ITGBL1: variants seen among roughly 807,000 people sequenced by gnomAD.
ITGBL1 encodes the protein integrin subunit beta like 1, also known as integrin beta-like protein 1.
Under a neutral mutation model 68.5 loss-of-function variants are expected in ITGBL1, and 51 were observed. That is an observed-to-expected ratio of 0.74 (90% CI 0.59 to 0.94). ITGBL1 has a LOEUF of 0.94. Ranked by LOEUF, ITGBL1 falls within the 40% of genes least tolerant of loss-of-function variation. The pLI is 0.00. For synonymous variants in ITGBL1, 209 were observed against 227.3 expected (o/e 0.92, Z 0.72); for missense variants, 649 against 647.4 (o/e 1.00, Z -0.03).
At chr13:101,605,800 T>A (rs899182062) in intron 7 of ITGBL1, among the ~76,000 whole-genome samples, 4 of 105,220 alleles carry the variant, frequency 3.8e-5, no homozygotes, top group Admixed American at 1.9e-4. Flanking sequence ...GTATATGTAC[T>A]CGTGTGTAGA....
chr13:101,642,070 A>G (rs1594948979), intron 7 of ITGBL1, among the ~76,000 whole-genome samples: 1 of 152,002 alleles, frequency 6.6e-6, no homozygotes, highest in East Asian at 1.9e-4. Context: ...TCCTTTGGGT[A>G]TATACCCAGT....
chr13:101,670,160 A>G (rs895188910), intron 7 of ITGBL1, among the ~76,000 whole-genome samples: 36 of 152,140 alleles, frequency 2.4e-4, no homozygotes, highest in Non-Finnish European at 4.1e-4. Context: ...GCAATTTTGC[A>G]TGCTTTTACT....
chr13:101,504,671 A>AT (rs2048999136), intron 2 of ITGBL1, among the ~76,000 whole-genome samples: 1 of 152,206 alleles, frequency 6.6e-6, no homozygotes, highest in African/African-American at 2.4e-5. Context: ...GAAACGTTGC[A>AT]TGAGTGTCTC....
chr13:101,567,114 G>A (rs1466830892), intron 2 of ITGBL1, among the ~76,000 whole-genome samples: 2 of 152,110 alleles, frequency 1.3e-5, no homozygotes, highest in Admixed American at 6.6e-5. Flanking sequence ...AAAGCAAAAT[G>A]ACTATTGAGA....
chr13:101,606,110 C>CCA lies in ITGBL1; in HGVS notation c.1015+7811_1015+7812insCA, dbSNP rs2030835033. On this transcript the variant is annotated intron_variant, in intron 7 of 10. Transcript: ENST00000376180. ...ATATATATATATATGCTCTCTCTCT[C>CCA]TCTATATATATATATAGCCTTCACG... Among the ~76,000 whole-genome samples, 6 of 138,276 alleles carry CCA rather than the reference C, an allele frequency of 4.3e-5. No homozygotes were observed. The East Asian group carries it at 1.4e-3, about 32-fold the overall frequency. The allele number at this position is 138,276 out of a possible 152,430, so 90.7% of individuals were successfully genotyped here. A position where few individuals can be genotyped will look rare whatever the true frequency, so the allele number is the denominator to read the frequency against.
intron 7 of ITGBL1, among the ~76,000 whole-genome samples, chr13:101,677,501 G>C (rs2033533832): frequency 6.6e-6 from 1 of 152,046 alleles, no homozygotes; most frequent in African/African-American, 2.4e-5. Context: ...TTGGAAATAG[G>C]GAGGATCATT....
chr13:101,541,598 T>C (rs1326995095), intron 2 of ITGBL1, among the ~76,000 whole-genome samples: 1 of 152,196 alleles, frequency 6.6e-6, no homozygotes, highest in Admixed American at 6.5e-5. Context: ...TCCCTCTTTT[T>C]CTGTTGATTG....
At chr13:101,710,714 C>A (rs138235391) in intron 9 of ITGBL1, 1 of 152,114 alleles carries the variant, frequency 6.6e-6, no homozygotes, top group Non-Finnish European at 1.5e-5. Flanking sequence ...GGCATGAGAT[C>A]GCCATGGCAC....
intron 6 of ITGBL1, among the ~76,000 whole-genome samples, chr13:101,595,936 A>G (rs2029933361): frequency 1.3e-5 from 2 of 152,190 alleles, no homozygotes; most frequent in Admixed American, 6.6e-5. Context: ...TGAAAACAAC[A>G]CAAGTGTCTG....
At chr13:101,545,918 G>A (rs934403989) in intron 2 of ITGBL1, among the ~76,000 whole-genome samples, 1 of 152,110 alleles carries the variant, frequency 6.6e-6, no homozygotes. Flanking sequence ...AACTACTGAA[G>A]GCAATCCCCA....
intron 8 of ITGBL1, among the ~76,000 whole-genome samples, chr13:101,695,440 C>G (rs958043515): frequency 1.3e-5 from 2 of 152,104 alleles, no homozygotes; most frequent in African/African-American, 4.8e-5. Flanking sequence ...ATGTTAATAA[C>G]TTGAGGCTTT....
At chr13:101,517,523 T>C (rs1485508641) in intron 2 of ITGBL1, among the ~76,000 whole-genome samples, 2 of 152,184 alleles carry the variant, frequency 1.3e-5, no homozygotes, top group Admixed American at 1.3e-4. Context: ...AAGCTCTCTC[T>C]CATGACTGTG....
intron 7 of ITGBL1, among the ~76,000 whole-genome samples, chr13:101,650,696 CAT>C (rs1395695553): frequency 6.7e-6 from 1 of 149,858 alleles, no homozygotes; most frequent in African/African-American, 2.5e-5. Flanking sequence ...CATAGGTAAA[CAT>C]GTGCCATGGT....
intron 7 of ITGBL1, among the ~76,000 whole-genome samples, chr13:101,636,404 A>C (rs1230888923): frequency 6.6e-6 from 1 of 152,180 alleles, no homozygotes; most frequent in Admixed American, 6.5e-5. Context: ...AACAAATCAG[A>C]AACTTATGAC....
Position 101,638,317 on chromosome 13 carries a change from GAAGGTCA to G in ITGBL1, c.1015+40023_1015+40029del, listed in dbSNP as rs145870579. ...CTGGTGCCCATAAGGGACAGCACTT[GAAGGTCA>G]AAGGAAAGAGCATACCCTTCCACCT... On this transcript the variant is annotated intron_variant, in intron 7 of 10. Transcript: ENST00000376180. Among the ~76,000 whole-genome samples the G allele has an allele frequency of 6.0e-3, 918 of 152,250 alleles. 12 individuals are homozygous for G. Among genetic ancestry groups the G allele is most frequent in the African/African-American group, 0.021 (863 of 41,532 alleles).
At chr13:101,531,258 G>A (rs750088554) in intron 2 of ITGBL1, among the ~76,000 whole-genome samples, 2 of 152,144 alleles carry the variant, frequency 1.3e-5, no homozygotes, top group Non-Finnish European at 2.9e-5. Context: ...GTAAACAATT[G>A]TTTACATGAT....
At chr13:101,580,726 T>C (rs527493005) in intron 5 of ITGBL1, among the ~76,000 whole-genome samples, 8 of 152,098 alleles carry the variant, frequency 5.3e-5, no homozygotes, top group East Asian at 3.9e-4. Context: ...TCTGGTACTG[T>C]GGAAAATGAC....
chr13:101,467,213 T>C (rs1228353030), intron 2 of ITGBL1, among the ~76,000 whole-genome samples: 1 of 152,184 alleles, frequency 6.6e-6, no homozygotes, highest in East Asian at 1.9e-4. Context: ...TCAATATTTA[T>C]ATCATAGCAG....
chr13:101,541,104 G>A (rs1244979457), intron 2 of ITGBL1, among the ~76,000 whole-genome samples: 2 of 147,384 alleles, frequency 1.4e-5, no homozygotes, highest in East Asian at 2.0e-4. Flanking sequence ...GTATAGGAGT[G>A]GTGAGAGAGG....
Sources: gnomAD v4.1 joint callset for allele counts (sites outside exome capture counted in the v4.1 genomes callset) on GRCh38, gnomAD v4.1.1 for gene constraint, MANE v1.5 for transcripts, NCBI Gene and HGNC (gene_info 2026-07-23, HGNC 2026-07-21) for gene names.